Variants in KAZN observed in about 807,000 individuals in gnomAD.
The protein encoded by KAZN is kazrin.
A neutral mutation model predicts 87.4 loss-of-function variants in KAZN; 40 were observed. The ratio of observed to expected loss-of-function variants is 0.46; its 90% CI spans 0.36 to 0.60. KAZN has a LOEUF of 0.60. Among genes scored for constraint, KAZN ranks in the 20% least tolerant of loss-of-function variants. The pLI is 0.00. For missense variants in KAZN, 898 were observed against 1,073.9 expected, an observed-to-expected ratio of 0.84 and a Z score of 2.29; for synonymous variants, 466 against 458.3, an observed-to-expected ratio of 1.02 and a Z score of -0.22.
At chr1:14,700,847 C>T (rs1323774808) in intron 1 of KAZN, among the ~76,000 whole-genome samples, 1 of 152,142 alleles carries the variant, frequency 6.6e-6, no homozygotes, top group Non-Finnish European at 1.5e-5. Context: ...ATAGCCACCT[C>T]TTAGCATGGA....
At chr1:14,737,742 G>A (rs922377901) in intron 1 of KAZN, among the ~76,000 whole-genome samples, 13 of 152,180 alleles carry the variant, frequency 8.5e-5, no homozygotes, top group African/African-American at 2.7e-4. Context: ...CTTTGCAGCT[G>A]TAAGACTGAG....
In KAZN at chr1:13,979,460, T is replaced by C. The variant is rs534577187; in HGVS notation, c.91+85704T>C. 4.6e-5 allele frequency among the ~76,000 whole-genome samples: 7 copies of C among 152,198 alleles called. No homozygotes were observed. In the South Asian group the frequency reaches 1.5e-3, roughly 32 times the overall value. On this transcript the variant is annotated intron_variant, in intron 1 of 16. Transcript: ENST00000636203. Reference sequence around the variant, plus strand: ...CAAAAAATACTTCAAAATATTAAGATAAAGATATTTTCAGAAAACAAAAAC... The same window carrying C: ...CAAAAAATACTTCAAAATATTAAGACAAAGATATTTTCAGAAAACAAAAAC...
At chr1:14,237,455 C>A (rs1648530725) in intron 2 of KAZN, among the ~76,000 whole-genome samples, 1 of 152,092 alleles carries the variant, frequency 6.6e-6, no homozygotes, top group Non-Finnish European at 1.5e-5. Context: ...ATTCACTGGT[C>A]TCTGGACTGT....
At chr1:14,469,249 C>T (rs967864777) in intron 2 of KAZN, among the ~76,000 whole-genome samples, 3 of 152,092 alleles carry the variant, frequency 2.0e-5, no homozygotes, top group Non-Finnish European at 2.9e-5. Flanking sequence ...TCCCCATGAA[C>T]GTATAAAGTG....
intron 2 of KAZN, among the ~76,000 whole-genome samples, chr1:14,581,151 G>A (rs567425672): frequency 1.3e-5 from 2 of 152,098 alleles, no homozygotes; most frequent in South Asian, 2.1e-4. Context: ...CCAAGCTTGT[G>A]TATCCAACTG....
chr1:14,334,682 TG>T (rs1259713614), intron 2 of KAZN, among the ~76,000 whole-genome samples: 6 of 152,170 alleles, frequency 3.9e-5, no homozygotes, highest in Non-Finnish European at 7.4e-5. Flanking sequence ...AAGGCTGGGC[TG>T]GGGCTGGGGC....
intron 3 of KAZN, among the ~76,000 whole-genome samples, chr1:15,036,696 T>C (rs1573133977): frequency 6.6e-6 from 1 of 151,966 alleles, no homozygotes; most frequent in Non-Finnish European, 1.5e-5. Flanking sequence ...GAGCTCAGAG[T>C]GACCTCCATG....
chr1:14,452,408 A>G (rs970919238), intron 2 of KAZN, among the ~76,000 whole-genome samples: 1 of 152,154 alleles, frequency 6.6e-6, no homozygotes, highest in Non-Finnish European at 1.5e-5. Context: ...AGTGAGTTCC[A>G]TTTTTAAAAA....
chr1:14,776,319 A>G (rs1437903074), intron 1 of KAZN, among the ~76,000 whole-genome samples: 2 of 152,132 alleles, frequency 1.3e-5, no homozygotes, highest in Non-Finnish European at 2.9e-5. Context: ...TGTGGGATTT[A>G]GGAAGTGGGG....
chr1:15,039,584 T>C (rs951707531), intron 3 of KAZN, among the ~76,000 whole-genome samples: 1 of 152,196 alleles, frequency 6.6e-6, no homozygotes, highest in East Asian at 1.9e-4. Flanking sequence ...TATATCAAAT[T>C]TGTTTTTTAA....
intron 2 of KAZN, among the ~76,000 whole-genome samples, chr1:14,272,814 C>A (rs1043558964): frequency 6.6e-6 from 1 of 152,060 alleles, no homozygotes; most frequent in African/African-American, 2.4e-5. Flanking sequence ...GCAGAGACTG[C>A]ACCACTGCAC....
At chr1:14,310,522 C>T (rs916760740) in intron 2 of KAZN, among the ~76,000 whole-genome samples, 1 of 152,142 alleles carries the variant, frequency 6.6e-6, no homozygotes, top group Non-Finnish European at 1.5e-5. Flanking sequence ...CATTGCCTAC[C>T]TCACTGATTT....
intron 1 of KAZN, among the ~76,000 whole-genome samples, chr1:14,688,484 G>A (rs1641088568): frequency 6.6e-6 from 1 of 152,326 alleles, no homozygotes; most frequent in East Asian, 1.9e-4. Flanking sequence ...ACATCAAGGA[G>A]GATAAAATGA....
intron 1 of KAZN, among the ~76,000 whole-genome samples, chr1:14,617,379 A>G (rs1048682225): frequency 6.6e-6 from 1 of 152,230 alleles, no homozygotes; most frequent in Admixed American, 6.5e-5. Context: ...TCATTTAAAA[A>G]TGCTTTATTG....
intron 1 of KAZN, among the ~76,000 whole-genome samples, chr1:14,010,879 C>A (rs1640267252): frequency 1.3e-5 from 2 of 152,234 alleles, no homozygotes; most frequent in Non-Finnish European, 2.9e-5. Context: ...AATGGCCATT[C>A]TTAAGAGTGT....
chr1:13,915,036 G>T (rs1388073406), intron 1 of KAZN, among the ~76,000 whole-genome samples: 1 of 152,228 alleles, frequency 6.6e-6, no homozygotes, highest in Non-Finnish European at 1.5e-5. Context: ...GAGCTGCTAA[G>T]TTAGTGGTGA....
At chr1:14,658,031 C>A (rs1344154901) in intron 1 of KAZN, among the ~76,000 whole-genome samples, 1 of 152,118 alleles carries the variant, frequency 6.6e-6, no homozygotes, top group Non-Finnish European at 1.5e-5. Flanking sequence ...GCGCTGGTGT[C>A]CCAGACCCTG....
At chr1:14,708,097 A>G (rs1642304572) in intron 1 of KAZN, among the ~76,000 whole-genome samples, 1 of 152,006 alleles carries the variant, frequency 6.6e-6, no homozygotes, top group Non-Finnish European at 1.5e-5. Flanking sequence ...CGGCTTTTGG[A>G]TTTTCCTCTT....
At chr1:14,945,795 C>T (rs936652288) in intron 1 of KAZN, 7 of 816,414 alleles carry the variant, frequency 8.6e-6, no homozygotes, top group African/African-American at 1.9e-5. Context: ...TCAAGCTCCA[C>T]GGCCTCGAGA....
Sources: allele counts gnomAD v4.1 joint callset (sites outside exome capture counted in the v4.1 genomes callset), GRCh38; gene constraint gnomAD v4.1.1; transcripts MANE v1.5; gene names NCBI Gene and HGNC (gene_info 2026-07-23, HGNC 2026-07-21).